The following SAMMSON variants were observed in gnomAD, a reference collection of about 807,000 sequenced individuals.
The protein encoded by SAMMSON is long intergenic non-protein coding RNA 1212.
chr3:70,232,641 G>C (rs955965438), intron 4 of SAMMSON, among the ~76,000 whole-genome samples: 1 of 151,850 alleles, frequency 6.6e-6, no homozygotes, highest in African/African-American at 2.4e-5. Flanking sequence ...CTCGTGATCC[G>C]CCCGCCTCAG....
chr3:70,284,110 A>T (rs1396689768), intron 6 of SAMMSON, among the ~76,000 whole-genome samples: 1 of 152,156 alleles, frequency 6.6e-6, no homozygotes, highest in Admixed American at 6.6e-5. Flanking sequence ...TGCAACTCTT[A>T]AAACTGTTAC....
intron 7 of SAMMSON, among the ~76,000 whole-genome samples, chr3:70,322,103 T>C (rs1392849770): frequency 1.3e-5 from 2 of 152,122 alleles, no homozygotes; most frequent in Non-Finnish European, 2.9e-5. Context: ...AAATTTGCTT[T>C]ACTAAGTTTA....
chr3:70,048,754 T>C (rs1407297723), intron 3 of SAMMSON, among the ~76,000 whole-genome samples: 1 of 152,144 alleles, frequency 6.6e-6, no homozygotes, highest in African/African-American at 2.4e-5. Flanking sequence ...TGCATTATAT[T>C]ATTTAATGCA....
Position 70,173,299 on chromosome 3 carries a change from C to T in SAMMSON, n.508-75808C>T, listed in dbSNP as rs116803381. Among the ~76,000 whole-genome samples, 543 of 151,874 alleles carry T rather than the reference C, an allele frequency of 3.6e-3. 2 individuals are homozygous for T. The highest frequency in any genetic ancestry group is 0.012 in the African/African-American group (507 of 41,488). Reference sequence around the variant, plus strand: ...GTCTCTGTTCTGTTTGTCACAGGACCCGTGGGATGTGCTGCATTAATCAAT... The same window carrying T: ...GTCTCTGTTCTGTTTGTCACAGGACTCGTGGGATGTGCTGCATTAATCAAT... On this transcript the variant is annotated intron_variant and non_coding_transcript_variant, in intron 4 of 9. Transcript: ENST00000642114.
chr3:70,167,944 A>G (rs1317231319), intron 4 of SAMMSON, among the ~76,000 whole-genome samples: 2 of 152,042 alleles, frequency 1.3e-5, no homozygotes, highest in Non-Finnish European at 2.9e-5. Flanking sequence ...CTACATCTGA[A>G]TATGGAAAAG....
intron 4 of SAMMSON, among the ~76,000 whole-genome samples, chr3:70,162,648 A>C (rs1231725797): frequency 6.6e-6 from 1 of 151,926 alleles, no homozygotes; most frequent in Non-Finnish European, 1.5e-5. Flanking sequence ...ATGATAGATC[A>C]AGTTGGTTGG....
At chr3:70,404,405 C>A (rs1701163984) in intron 2 of SAMMSON, among the ~76,000 whole-genome samples, 2 of 152,072 alleles carry the variant, frequency 1.3e-5, no homozygotes, top group South Asian at 2.1e-4. Flanking sequence ...TTCCATATGG[C>A]AGTTTTGATC....
intron 4 of SAMMSON, among the ~76,000 whole-genome samples, chr3:70,164,726 A>G (rs1342346240): frequency 6.6e-6 from 1 of 152,086 alleles, no homozygotes; most frequent in Non-Finnish European, 1.5e-5. Context: ...AATCCAGAGG[A>G]TAATAATAGA....
chr3:70,015,861 G>C (rs548508300), intron 3 of SAMMSON, among the ~76,000 whole-genome samples: 3 of 152,198 alleles, frequency 2.0e-5, no homozygotes, highest in African/African-American at 4.8e-5. Flanking sequence ...ATGGTTTCCA[G>C]CTTCATCCGT....
rs142575487 is a variant in SAMMSON at position 70,267,042 on chromosome 3, C to T, written n.674+17372C>T. 4.7e-3 allele frequency among the ~76,000 whole-genome samples: 722 copies of T among 152,272 alleles called. 5 individuals carry two copies. The highest frequency in any genetic ancestry group is 0.017 in the African/African-American group (689 of 41,556). ...TAGCTAAACTCTCATGAAATAGCTTCCTTCTGAGCAATGTCGTGCCAATGA... is the reference window on the plus strand; with the variant it reads ...TAGCTAAACTCTCATGAAATAGCTTTCTTCTGAGCAATGTCGTGCCAATGA... On this transcript the variant is annotated intron_variant and non_coding_transcript_variant, in intron 6 of 9. Coordinates refer to ENST00000642114, the Ensembl canonical transcript of SAMMSON.
chr3:70,346,714 T>G (rs1481727984), intron 7 of SAMMSON, among the ~76,000 whole-genome samples: 1 of 152,162 alleles, frequency 6.6e-6, no homozygotes, highest in Non-Finnish European at 1.5e-5. Flanking sequence ...TAAGTAACAT[T>G]TATATTTTAA....
chr3:70,429,828 CTT>C (rs770109680), intron 2 of SAMMSON, among the ~76,000 whole-genome samples: 1 of 152,132 alleles, frequency 6.6e-6, no homozygotes, highest in Non-Finnish European at 1.5e-5. Flanking sequence ...TATCCTGAGA[CTT>C]TGCTGAAGTT....
At chr3:70,276,041 T>TA (rs1358408517) in intron 6 of SAMMSON, among the ~76,000 whole-genome samples, 3 of 151,826 alleles carry the variant, frequency 2.0e-5, no homozygotes, top group African/African-American at 2.4e-5. Flanking sequence ...TTTCAAACTT[T>TA]AAAAAAAAGT....
intron 4 of SAMMSON, among the ~76,000 whole-genome samples, chr3:70,087,940 T>A (rs2067291785): frequency 6.6e-6 from 1 of 152,180 alleles, no homozygotes; most frequent in South Asian, 2.1e-4. Context: ...AACCTAGCCA[T>A]TTTTTAGTAA....
chr3:70,225,067 G>A (rs1407109170), intron 4 of SAMMSON, among the ~76,000 whole-genome samples: 1 of 151,986 alleles, frequency 6.6e-6, no homozygotes, highest in Non-Finnish European at 1.5e-5. Context: ...ATATATCTTG[G>A]GTGTTGGAAA....
chr3:70,126,431 T>G, intron 4 of SAMMSON: 1 of 716,688 alleles, frequency 1.4e-6, no homozygotes, highest in Non-Finnish European at 2.5e-6. Flanking sequence ...CAGCTGCCCC[T>G]TATCTGACAG....
intron 4 of SAMMSON, among the ~76,000 whole-genome samples, chr3:70,135,788 A>G (rs1373356773): frequency 6.6e-6 from 1 of 152,196 alleles, no homozygotes; most frequent in Non-Finnish European, 1.5e-5. Flanking sequence ...TATGTTATGT[A>G]TATACTTTGT....
chr3:70,318,953 G>A (rs1425586038), intron 7 of SAMMSON, among the ~76,000 whole-genome samples: 1 of 152,016 alleles, frequency 6.6e-6, no homozygotes. Flanking sequence ...TGCCCAAAGT[G>A]CATAAGGAAA....
intron 4 of SAMMSON, among the ~76,000 whole-genome samples, chr3:70,079,316 C>T (rs2106640188): frequency 6.6e-6 from 1 of 152,214 alleles, no homozygotes; most frequent in East Asian, 1.9e-4. Flanking sequence ...CTGAAATCAG[C>T]CATGGTGGGA....
Sources: allele counts gnomAD v4.1 joint callset (sites outside exome capture counted in the v4.1 genomes callset), GRCh38; gene constraint gnomAD v4.1.1; transcripts MANE v1.5; gene names NCBI Gene and HGNC (gene_info 2026-07-23, HGNC 2026-07-21).